Variants in C3orf49 observed in about 807,000 individuals in gnomAD.
The protein encoded by C3orf49 is putative uncharacterized protein C3orf49.
A neutral mutation model predicts 13.3 loss-of-function variants in C3orf49; 27 were observed. That is an observed-to-expected ratio of 2.02 (90% confidence interval 1.49 to 2.79). C3orf49 has a LOEUF of 2.79. Among genes scored for constraint, C3orf49 ranks in the 30% most tolerant of loss-of-function variants. C3orf49 has a pLI of 0.00. For synonymous variants in C3orf49, 87 were observed against 47.6 expected (o/e 1.83, Z -3.40); for missense variants, 242 against 134.2 (o/e 1.80, Z -3.97).
At chr3:63,837,825 A>C (rs1701665148) in intron 5 of C3orf49, 2 of 524,356 alleles carry the variant, frequency 3.8e-6, no homozygotes, top group Non-Finnish European at 6.5e-6. Flanking sequence ...CTCTATTTTA[A>C]AGAATAATAT....
the C3orf49 span, among the ~76,000 whole-genome samples, chr3:63,785,617 T>G: frequency 1.3e-5 from 2 of 152,182 alleles, no homozygotes; most frequent in African/African-American, 4.8e-5. Context: ...AGATGGCATG[T>G]GTGTGCATTA....
At chr3:63,779,928 A>T in the C3orf49 span, 1 of 152,104 alleles carries the variant, frequency 6.6e-6, no homozygotes, top group Non-Finnish European at 1.5e-5. Flanking sequence ...CATTTTCCCA[A>T]TTGGAATTTC....
chr3:63,842,404 G>A (rs1051627019), intron 5 of C3orf49, among the ~76,000 whole-genome samples: 1 of 152,060 alleles, frequency 6.6e-6, no homozygotes, highest in Admixed American at 6.6e-5. Flanking sequence ...ACAAAATGAA[G>A]AGTCCTCAAA....
chr3:63,824,389 G>C (rs1441535171), intron 2 of C3orf49, among the ~76,000 whole-genome samples: 1 of 152,080 alleles, frequency 6.6e-6, no homozygotes, highest in East Asian at 1.9e-4. Flanking sequence ...CACTTTTATT[G>C]CATTTACTTT....
chr3:63,792,150 C>T, the C3orf49 span, among the ~76,000 whole-genome samples: 1 of 152,172 alleles, frequency 6.6e-6, no homozygotes, highest in African/African-American at 2.4e-5. Flanking sequence ...GCATGACTAC[C>T]AGCTACAGTA....
At chr3:63,816,231 T>C (rs574946736), upstream of C3orf49, among the ~76,000 whole-genome samples, 21 of 152,142 alleles carry the variant, frequency 1.4e-4, no homozygotes, top group Middle Eastern at 3.4e-3. Flanking sequence ...TCCACTAGAA[T>C]TGTAATTCCT....
At chr3:63,843,823 C>T (rs1303036090) in intron 5 of C3orf49, among the ~76,000 whole-genome samples, 1 of 152,028 alleles carries the variant, frequency 6.6e-6, no homozygotes, top group Non-Finnish European at 1.5e-5. Context: ...ATGGCGTGAA[C>T]CCGGGAGGCG....
chr3:63,827,581 T>C lies in C3orf49; in HGVS notation c.446-20T>C, dbSNP rs1701479842. 5 of 692,076 alleles carry C rather than the reference T, an allele frequency of 7.2e-6. No homozygotes were observed. Among genetic ancestry groups the C allele is most frequent in the Non-Finnish European group, 1.1e-5 (4 of 379,300 alleles). The allele number at this position is 692,076 out of a possible 1,614,324, so 42.9% of individuals were successfully genotyped here. A position where few individuals can be genotyped will look rare whatever the true frequency, so the allele number is the denominator to read the frequency against. Reference sequence around the variant, plus strand: ...CCTCATTGTGATCCTTACAGATTCCTTTTTCCCCCTTTCTTGAAGCGACTA... The same window carrying C: ...CCTCATTGTGATCCTTACAGATTCCCTTTTCCCCCTTTCTTGAAGCGACTA... On this transcript the variant is annotated intron_variant, in intron 2 of 6. Coordinates refer to ENST00000295896, the MANE Select transcript of C3orf49 (RefSeq NM_001355236.2).
At chr3:63,842,823 T>C (rs1057128852) in intron 5 of C3orf49, among the ~76,000 whole-genome samples, 2 of 152,092 alleles carry the variant, frequency 1.3e-5, no homozygotes, top group African/African-American at 4.8e-5. Flanking sequence ...TCACCACTGA[T>C]CTGGCTGGAA....
At chr3:63,834,206 T>C in intron 5 of C3orf49, 1 of 1,613,844 alleles carries the variant, frequency 6.2e-7, no homozygotes. Flanking sequence ...TCATCTGTAA[T>C]TGAGAAGGAA....
At chr3:63,837,951 A>T (rs762130659) in intron 5 of C3orf49, 1 of 1,593,658 alleles carries the variant, frequency 6.3e-7, no homozygotes, top group South Asian at 1.1e-5. Flanking sequence ...ATGTATTTGC[A>T]CATTAAATCC....
chr3:63,791,412 G>C, the C3orf49 span, among the ~76,000 whole-genome samples: 1 of 152,178 alleles, frequency 6.6e-6, no homozygotes, highest in Admixed American at 6.5e-5. Context: ...TCTCTGAATT[G>C]ATTGGTAAAG....
At chr3:63,839,879 G>T in intron 5 of C3orf49, 2 of 905,084 alleles carry the variant, frequency 2.2e-6, no homozygotes, top group Non-Finnish European at 1.7e-6. Context: ...TTATTGAAAT[G>T]TAAATGCATT....
At chr3:63,819,994 G>C (rs1575794836) in intron 1 of C3orf49, among the ~76,000 whole-genome samples, 1 of 152,122 alleles carries the variant, frequency 6.6e-6, no homozygotes, top group African/African-American at 2.4e-5. Flanking sequence ...CAGCAATTTG[G>C]GCTGCTGAAA....
the C3orf49 span, among the ~76,000 whole-genome samples, chr3:63,804,525 CTCT>C: frequency 3.9e-5 from 6 of 152,142 alleles, no homozygotes; most frequent in Admixed American, 6.6e-5. Flanking sequence ...GAATGTTCTT[CTCT>C]TCTTCTTTAT....
At chr3:63,824,851 A>AG (rs1350512363) in intron 2 of C3orf49, among the ~76,000 whole-genome samples, 7 of 151,064 alleles carry the variant, frequency 4.6e-5, no homozygotes, top group African/African-American at 1.2e-4. Context: ...AAAAAAAAAA[A>AG]AAAGAAAAAG....
chr3:63,835,144 T>C (rs760273046), intron 5 of C3orf49: 5 of 1,612,818 alleles, frequency 3.1e-6, no homozygotes, highest in East Asian at 2.2e-5. Context: ...TTGAGACTAT[T>C]TCTACTTACT....
chr3:63,842,721 A>AG (rs1701794350), intron 5 of C3orf49, among the ~76,000 whole-genome samples: 1 of 152,076 alleles, frequency 6.6e-6, no homozygotes, highest in African/African-American at 2.4e-5. Flanking sequence ...GAGAGGGGTG[A>AG]GGGAAAAAAA....
chr3:63,802,885 C>A, the C3orf49 span, among the ~76,000 whole-genome samples: 1 of 152,104 alleles, frequency 6.6e-6, no homozygotes, highest in African/African-American at 2.4e-5. Flanking sequence ...CACAGAAACA[C>A]ACACACATAC....
Sources: allele counts gnomAD v4.1 joint callset (sites outside exome capture counted in the v4.1 genomes callset), GRCh38; gene constraint gnomAD v4.1.1; transcripts MANE v1.5; gene names NCBI Gene and HGNC (gene_info 2026-07-23, HGNC 2026-07-21).